The following SNTG1 variants were observed in gnomAD, a reference collection of about 807,000 sequenced individuals.
The protein encoded by SNTG1 is syntrophin gamma 1.
Under a neutral mutation model 74.7 loss-of-function variants are expected in SNTG1, and 39 were observed. The ratio of observed to expected loss-of-function variants is 0.52; its 90% CI spans 0.40 to 0.68. The LOEUF is 0.68. Ranked by LOEUF, SNTG1 falls within the 30% of genes least tolerant of loss-of-function variation. The probability of loss-of-function intolerance (pLI) is 0.00; values close to 1 mark genes in which losing one functional copy is unlikely to be tolerated. For missense variants in SNTG1, 685 were observed against 609.5 expected, an observed-to-expected ratio of 1.12 and a Z score of -1.30; for synonymous variants, 254 against 217.1, an observed-to-expected ratio of 1.17 and a Z score of -1.49.
chr8:50,505,229 C>T (rs1469004868), intron 9 of SNTG1, among the ~76,000 whole-genome samples: 1 of 152,032 alleles, frequency 6.6e-6, no homozygotes, highest in Non-Finnish European at 1.5e-5. Context: ...CTTTATTCAG[C>T]CCTCAAACAG....
intron 1 of SNTG1, among the ~76,000 whole-genome samples, chr8:50,001,940 T>C (rs987717163): frequency 2.0e-5 from 3 of 152,090 alleles, no homozygotes; most frequent in Non-Finnish European, 4.4e-5. Context: ...AGAAAGTGCT[T>C]GTGGAAGGTG....
At chr8:49,925,056 G>A (rs1806896122) in intron 1 of SNTG1, among the ~76,000 whole-genome samples, 1 of 151,996 alleles carries the variant, frequency 6.6e-6, no homozygotes, top group Non-Finnish European at 1.5e-5. Context: ...AGGAGGCAGA[G>A]GCAGGAGAAT....
intron 1 of SNTG1, among the ~76,000 whole-genome samples, chr8:50,087,206 T>A (rs1822973271): frequency 6.6e-6 from 1 of 152,192 alleles, no homozygotes; most frequent in Non-Finnish European, 1.5e-5. Context: ...AATCTCTGGT[T>A]TGTTTTCAGC....
At chr8:50,329,585 G>A (rs993174587) in intron 2 of SNTG1, among the ~76,000 whole-genome samples, 3 of 151,924 alleles carry the variant, frequency 2.0e-5, no homozygotes, top group Non-Finnish European at 4.4e-5. Context: ...AGCTGTAGTG[G>A]CTCAAATGCA....
At chr8:50,645,894 G>A (rs1435510135) in intron 13 of SNTG1, among the ~76,000 whole-genome samples, 1 of 151,918 alleles carries the variant, frequency 6.6e-6, no homozygotes, top group Non-Finnish European at 1.5e-5. Context: ...AAATGCTGAG[G>A]GGGAAAGTGT....
intron 1 of SNTG1, among the ~76,000 whole-genome samples, chr8:50,065,814 C>T (rs544996294): frequency 3.9e-5 from 6 of 152,128 alleles, no homozygotes; most frequent in Non-Finnish European, 7.4e-5. Flanking sequence ...CAACATAAAT[C>T]CACTACCTTC....
intron 2 of SNTG1, among the ~76,000 whole-genome samples, chr8:50,319,505 C>T (rs992416030): frequency 1.2e-4 from 19 of 152,100 alleles, no homozygotes; most frequent in African/African-American, 4.6e-4. Flanking sequence ...AGATTACATC[C>T]TCTGCAAACA....
At chr8:50,711,384 G>T (rs2095461261) in intron 17 of SNTG1, among the ~76,000 whole-genome samples, 1 of 152,066 alleles carries the variant, frequency 6.6e-6, no homozygotes, top group Non-Finnish European at 1.5e-5. Context: ...ACTTCATCTT[G>T]ATCAAGTCCT....
chr8:49,944,900 G>C (rs951892995), intron 1 of SNTG1, among the ~76,000 whole-genome samples: 1 of 151,800 alleles, frequency 6.6e-6, no homozygotes, highest in Admixed American at 6.6e-5. Context: ...CGATTCTCTT[G>C]CCTCAGCCTC....
chr8:50,051,252 A>ACACG, intron 1 of SNTG1, among the ~76,000 whole-genome samples: 1 of 151,710 alleles, frequency 6.6e-6, no homozygotes, highest in Admixed American at 6.6e-5. Flanking sequence ...ACACACACAC[A>ACACG]CACACACACA....
intron 4 of SNTG1, among the ~76,000 whole-genome samples, chr8:50,407,140 C>T (rs547076900): frequency 6.6e-5 from 10 of 152,266 alleles, no homozygotes; most frequent in Admixed American, 2.6e-4. Context: ...CAGGGATCAC[C>T]TCTCTTATCA....
rs1439815023 is a variant in SNTG1 at position 50,704,685 on chromosome 8, A to C, written c.1124A>C (p.Glu375Ala). Residue 375 changes from glutamate to alanine, a missense_variant, in exon 16 of 19, where the codon GAA becomes GCA. Transcript: ENST00000642720. ...GACCTGTACTTCTCAGTGGAGCTGGAAAGTGACCTCGCCCAGTGGGAAAGA... is the reference window on the plus strand; with the variant it reads ...GACCTGTACTTCTCAGTGGAGCTGGCAAGTGACCTCGCCCAGTGGGAAAGA... ...GEDLYFSVEL[E>A]SDLAQWERAF... The C allele has an allele frequency of 5.0e-6, 8 of 1,614,036 alleles. No individual in the cohort carries two copies. Among genetic ancestry groups the C allele is most frequent in the Middle Eastern group, 1.6e-4 (1 of 6,084 alleles).
intron 1 of SNTG1, among the ~76,000 whole-genome samples, chr8:50,088,700 G>A (rs1026971607): frequency 1.4e-5 from 2 of 140,756 alleles, no homozygotes; most frequent in East Asian, 2.1e-4. Flanking sequence ...ACTTACAAGG[G>A]ATGTGAAGGA....
intron 13 of SNTG1, among the ~76,000 whole-genome samples, chr8:50,599,223 G>T (rs1416722440): frequency 6.6e-6 from 1 of 151,954 alleles, no homozygotes; most frequent in Admixed American, 6.6e-5. Context: ...AATGATCTGT[G>T]TGTCTGTTTT....
chr8:50,672,320 A>G (rs555755150), intron 15 of SNTG1, among the ~76,000 whole-genome samples: 2 of 152,222 alleles, frequency 1.3e-5, no homozygotes, highest in South Asian at 2.1e-4. Context: ...AAGTATTCCT[A>G]TTTCTCCACA....
rs781627148 is a variant in SNTG1 at position 50,118,563 on chromosome 8, C to T, written c.-102-53998C>T. ...ATTGACTCTGGACACATAGCTAACA[C>T]GTGGCCAAGCCAATCATGTGAGGAG... is the stretch of plus-strand genomic sequence containing the variant. On this transcript the variant is annotated intron_variant, in intron 1 of 18. Transcript: ENST00000642720. 1.4e-4 allele frequency among the ~76,000 whole-genome samples: 20 copies of T among 144,260 alleles called. 2 individuals are homozygous for T. Among genetic ancestry groups the T allele is most frequent in the South Asian group, 2.5e-4 (1 of 4,028 alleles). The allele number at this position is 144,260 out of a possible 152,430, so 94.6% of individuals were successfully genotyped here.
intron 1 of SNTG1, among the ~76,000 whole-genome samples, chr8:50,084,271 C>T (rs1383842992): frequency 6.6e-6 from 1 of 152,026 alleles, no homozygotes; most frequent in Non-Finnish European, 1.5e-5. Flanking sequence ...GCCTTCCTGG[C>T]CAACATGGTG....
chr8:50,739,695 A>G (rs975576890), intron 17 of SNTG1, among the ~76,000 whole-genome samples: 10 of 151,906 alleles, frequency 6.6e-5, no homozygotes, highest in Non-Finnish European at 4.4e-5. Context: ...AATAAAATAA[A>G]TACAACGTGG....
At chr8:50,263,417 G>T (rs909928772) in intron 2 of SNTG1, among the ~76,000 whole-genome samples, 1 of 151,880 alleles carries the variant, frequency 6.6e-6, no homozygotes, top group Non-Finnish European at 1.5e-5. Context: ...ATTAAATAAG[G>T]TAATAAAAAA....
Sources: allele counts gnomAD v4.1 joint callset (sites outside exome capture counted in the v4.1 genomes callset), GRCh38; gene constraint gnomAD v4.1.1; transcripts MANE v1.5; gene names NCBI Gene and HGNC (gene_info 2026-07-23, HGNC 2026-07-21).